The following SUMF1 variants were observed in gnomAD, a reference collection of about 807,000 sequenced individuals.
SUMF1 encodes the protein sulfatase modifying factor 1, also known as formylglycine-generating enzyme.
SUMF1 carries 48 observed loss-of-function variants against 47.6 expected under a neutral mutation model. The observed-to-expected ratio is 1.01, with a 90% CI of 0.80 to 1.28. The LOEUF (loss-of-function observed/expected upper bound fraction) is 1.28. Among genes scored for constraint, SUMF1 ranks in the 50% most tolerant of loss-of-function variants. The pLI is 0.00. For missense variants in SUMF1, 571 were observed against 485.4 expected (o/e 1.18, Z -1.66); for synonymous variants, 230 against 192.1 (o/e 1.20, Z -1.63).
chr3:4,143,969 T>C lies in SUMF1; in HGVS notation c.1015-75224A>G, dbSNP rs981755200. On this transcript the variant is annotated intron_variant and NMD_transcript_variant, in intron 8 of 12. Transcript: ENST00000448413. ...AGCAGGCCATAGTGCCTCCTTAAAGTGACCACTGTCTTCTCTCTCTTTTTT... is the reference window on the plus strand; with the variant it reads ...AGCAGGCCATAGTGCCTCCTTAAAGCGACCACTGTCTTCTCTCTCTTTTTT... Among the ~76,000 whole-genome samples the C allele has an allele frequency of 4.6e-4, 69 of 148,726 alleles. 1 individual carries two copies. The highest frequency in any genetic ancestry group is 2.2e-3 in the Admixed American group (33 of 14,734).
chr3:4,403,269 C>A (rs778864292), intron 7 of SUMF1, among the ~76,000 whole-genome samples: 2 of 152,172 alleles, frequency 1.3e-5, no homozygotes, highest in Non-Finnish European at 2.9e-5. Flanking sequence ...TCAAACCCAG[C>A]CTGATTGGCA....
intron 8 of SUMF1, among the ~76,000 whole-genome samples, chr3:4,370,361 C>T (rs1348423619): frequency 6.6e-6 from 1 of 152,178 alleles, no homozygotes; most frequent in Admixed American, 6.5e-5. Context: ...GGTAATAGCC[C>T]TGCCAGCATC....
chr3:4,216,068 A>G (rs1695917073), intron 8 of SUMF1, among the ~76,000 whole-genome samples: 1 of 152,198 alleles, frequency 6.6e-6, no homozygotes, highest in Admixed American at 6.5e-5. Flanking sequence ...ACCAAAAAAG[A>G]GCCCACATAG....
chr3:4,126,867 CA>C (rs1227382022), intron 8 of SUMF1, among the ~76,000 whole-genome samples: 1 of 152,192 alleles, frequency 6.6e-6, no homozygotes, highest in African/African-American at 2.4e-5. Context: ...TACCTACTTT[CA>C]ATCTAATGTG....
At chr3:4,083,635 G>T (rs1268582032) in intron 8 of SUMF1, among the ~76,000 whole-genome samples, 1 of 152,074 alleles carries the variant, frequency 6.6e-6, no homozygotes, top group South Asian at 2.1e-4. Flanking sequence ...TCTTATAGAA[G>T]AACTTATACC....
At chr3:4,245,997 G>A (rs977743157) in intron 8 of SUMF1, among the ~76,000 whole-genome samples, 47 of 152,288 alleles carry the variant, frequency 3.1e-4, no homozygotes, top group Middle Eastern at 3.4e-3. Context: ...AAGCTCCAGC[G>A]TCCCAGGTCA....
chr3:4,066,214 A>G (rs1695372796), intron 9 of SUMF1, among the ~76,000 whole-genome samples: 2 of 152,000 alleles, frequency 1.3e-5, no homozygotes, highest in South Asian at 2.1e-4. Flanking sequence ...CAAAAATTGC[A>G]AAAATGCCAA....
At chr3:4,405,462 C>T (rs1396099902) in intron 7 of SUMF1, among the ~76,000 whole-genome samples, 1 of 152,216 alleles carries the variant, frequency 6.6e-6, no homozygotes, top group Non-Finnish European at 1.5e-5. Flanking sequence ...TCTCAGCTCA[C>T]TGCAACCTCT....
intron 8 of SUMF1, among the ~76,000 whole-genome samples, chr3:4,111,544 C>A (rs556567853): frequency 9.9e-5 from 15 of 151,920 alleles, no homozygotes; most frequent in Non-Finnish European, 1.8e-4. Flanking sequence ...ATGGTGAAAC[C>A]CCGTCTCTAC....
intron 8 of SUMF1, among the ~76,000 whole-genome samples, chr3:4,282,374 T>C (rs548773616): frequency 7.2e-5 from 11 of 152,296 alleles, no homozygotes; most frequent in African/African-American, 2.6e-4. Flanking sequence ...GGAAGAAATA[T>C]ACAGAGGGAA....
At chr3:4,214,402 A>G (rs942539940) in intron 8 of SUMF1, among the ~76,000 whole-genome samples, 4 of 152,212 alleles carry the variant, frequency 2.6e-5, no homozygotes, top group Admixed American at 2.0e-4. Flanking sequence ...GGACACATTT[A>G]AAGCACTGTG....
chr3:4,385,297 C>G (rs1412316402), intron 7 of SUMF1, among the ~76,000 whole-genome samples: 5 of 152,170 alleles, frequency 3.3e-5, no homozygotes, highest in Non-Finnish European at 4.4e-5. Flanking sequence ...CCTAGCCAGT[C>G]ACTACTTTTT....
chr3:4,263,273 T>C (rs1403544711), intron 8 of SUMF1, among the ~76,000 whole-genome samples: 3 of 152,164 alleles, frequency 2.0e-5, no homozygotes, highest in African/African-American at 7.2e-5. Context: ...ATAAGACAAA[T>C]GGCATCATGA....
At chr3:4,043,230 T>C (rs563825405) in intron 9 of SUMF1, among the ~76,000 whole-genome samples, 167 of 152,216 alleles carry the variant, frequency 1.1e-3, no homozygotes, top group South Asian at 4.4e-3. Context: ...GCCTGGGCAG[T>C]ACAACAGCTT....
rs1015442081 is a variant in SUMF1 at position 4,217,532 on chromosome 3, A to G, written c.1015-148787T>C. ...GTATTTTTTATATATATATATATAT[A>G]TATATATGAAGAAAAAGAAAACTAG... On this transcript the variant is annotated intron_variant and NMD_transcript_variant, in intron 8 of 12. Transcript: ENST00000448413. Among the ~76,000 whole-genome samples the G allele has an allele frequency of 2.0e-4, 10 of 50,338 alleles. 2 individuals are homozygous for G. The South Asian group carries it at 7.8e-3, about 39-fold the overall frequency. 33.0% of individuals were successfully genotyped at this position (50,338 alleles called of 152,430 possible).
intron 3 of SUMF1, among the ~76,000 whole-genome samples, chr3:4,434,886 C>T (rs1358446245): frequency 6.6e-6 from 1 of 152,142 alleles, no homozygotes; most frequent in African/African-American, 2.4e-5. Context: ...TGAACAGATG[C>T]CAACCCCAAG....
At chr3:4,068,514 T>C (rs1695433813) in intron 9 of SUMF1, 1 of 187,514 alleles carries the variant, frequency 5.3e-6, no homozygotes. Context: ...TGGGGTTTTT[T>C]ACATTATTTA....
In SUMF1 at chr3:4,467,232, G is replaced by A. The variant is rs752584205; in HGVS notation, c.14C>T (p.Ala5Val). 2.5e-6 allele frequency: 4 copies of A among 1,609,834 alleles called. No homozygotes were observed. The highest frequency in any genetic ancestry group is 1.3e-5 in the African/African-American group (1 of 74,838). The stretch of plus-strand genomic sequence containing the variant: ...GCAACGTCCACACACCAGCCCTAGT[G>A]CGGGCGCAGCCATGTTGTCCCGCGG... MAAP[A>V]LGLVCGRCPE... is the part of the protein sequence containing the mutation. The change falls in exon 1 of 9, where the codon GCA becomes GTA. Residue 5 changes from alanine (A) to valine (V), a missense_variant. Physicochemically the swap from Ala to Val is moderately conservative, Grantham distance 64. Coordinates refer to ENST00000272902, the MANE Select transcript of SUMF1 (RefSeq NM_182760.4).
At chr3:4,036,589 T>C (rs188889907) in intron 9 of SUMF1, among the ~76,000 whole-genome samples, 45 of 146,814 alleles carry the variant, frequency 3.1e-4, no homozygotes, top group African/African-American at 1.1e-3. Flanking sequence ...CATTTCCTTC[T>C]TGCTATGATC....
Sources: allele counts gnomAD v4.1 joint callset (sites outside exome capture counted in the v4.1 genomes callset), GRCh38; gene constraint gnomAD v4.1.1; transcripts MANE v1.5; gene names NCBI Gene and HGNC (gene_info 2026-07-23, HGNC 2026-07-21).